Variants in SLF1 observed in about 807,000 individuals in gnomAD.
SLF1 encodes SMC5-SMC6 complex localization factor protein 1.
SLF1 carries 105 observed loss-of-function variants against 123.0 expected under a neutral mutation model. The ratio of observed to expected loss-of-function variants is 0.85; its 90% CI spans 0.73 to 1.00. The LOEUF is 1.00. Ranked by LOEUF, SLF1 falls within the 50% of genes least tolerant of loss-of-function variation. The pLI is 0.00. For synonymous variants in SLF1, 434 were observed against 406.6 expected, an observed-to-expected ratio of 1.07 and a Z score of -0.81; for missense variants, 1,239 against 1,223.0, an observed-to-expected ratio of 1.01 and a Z score of -0.20.
At chr5:94,632,938 C>T (rs1745362709) in intron 4 of SLF1, among the ~76,000 whole-genome samples, 1 of 151,892 alleles carries the variant, frequency 6.6e-6, no homozygotes, top group Non-Finnish European at 1.5e-5. Context: ...ATCTGCCCGC[C>T]TCGGCCTCCT....
At chr5:94,682,579 A>G (rs1585223630) in intron 15 of SLF1, among the ~76,000 whole-genome samples, 1 of 152,226 alleles carries the variant, frequency 6.6e-6, no homozygotes, top group African/African-American at 2.4e-5. Flanking sequence ...ATTCACATCT[A>G]TCAAATTCAT....
At chr5:94,636,687 C>G (rs1745817542) in intron 4 of SLF1, among the ~76,000 whole-genome samples, 1 of 134,864 alleles carries the variant, frequency 7.4e-6, no homozygotes, top group South Asian at 2.5e-4. Flanking sequence ...AATTTTTAAT[C>G]TGTATGTTCT....
chr5:94,689,452 AT>A lies in SLF1; in HGVS notation c.2286-18del, dbSNP rs770989907. 1 of 1,599,140 alleles carries A rather than the reference AT, an allele frequency of 6.3e-7. No individual in the cohort carries two copies. Among genetic ancestry groups the A allele is most frequent in the Non-Finnish European group, 8.5e-7 (1 of 1,175,038 alleles). ...CCTTGCTGAAAAACAAGCTTTCATT[AT>A]TTCTTACTTTTCCTTTCAGAGACCT... On this transcript the variant is annotated intron_variant, in intron 17 of 20. Transcript: ENST00000265140.
rs551349014 is a variant in SLF1 at position 94,665,464 on chromosome 5, C to T, written c.1369-397C>T. On this transcript the variant is annotated intron_variant, in intron 11 of 20. Transcript: ENST00000265140. Reference sequence around the variant, plus strand: ...ATATTTGGCAAGAAACTTAGGCCAGCGTTAGGCCGGGCGTGGTGGCTCACA... The same window carrying T: ...ATATTTGGCAAGAAACTTAGGCCAGTGTTAGGCCGGGCGTGGTGGCTCACA... 5.9e-5 allele frequency among the ~76,000 whole-genome samples: 9 copies of T among 151,568 alleles called. No homozygotes were observed. The South Asian group carries it at 1.7e-3, about 28-fold the overall frequency.
chr5:94,689,755 T>A (rs2152498624), intron 18 of SLF1, 149 bp downstream of exon 18: 1 of 658,586 alleles, frequency 1.5e-6, no homozygotes, highest in Non-Finnish European at 2.5e-6. Flanking sequence ...CGTATTATTT[T>A]CTTGAACTGT....
chr5:94,694,744 G>A (rs1753399229), intron 20 of SLF1, 87 bp from the exon 21 acceptor site: 2 of 1,452,170 alleles, frequency 1.4e-6, no homozygotes, highest in South Asian at 1.5e-5. Flanking sequence ...GAAAGCACTG[G>A]ATGCTTTGGG....
intron 5 of SLF1, among the ~76,000 whole-genome samples, chr5:94,648,088 G>T (rs904138552): frequency 6.6e-6 from 1 of 152,088 alleles, no homozygotes; most frequent in African/African-American, 2.4e-5. Flanking sequence ...TAAGCCTATG[G>T]ATTTATCCTC....
chr5:94,651,035 A>G (rs970613707), intron 6 of SLF1, among the ~76,000 whole-genome samples: 1 of 152,222 alleles, frequency 6.6e-6, no homozygotes. Flanking sequence ...CCCATATATG[A>G]TAGTATCTTA....
intron 1 of SLF1, among the ~76,000 whole-genome samples, chr5:94,624,840 C>G (rs1325963792): frequency 6.6e-6 from 1 of 151,840 alleles, no homozygotes; most frequent in Non-Finnish European, 1.5e-5. Context: ...CCTTGAAACT[C>G]TAAAATACAT....
intron 13 of SLF1, 70 bp from the exon 14 acceptor site, chr5:94,670,773 G>A (rs1750347972): frequency 8.8e-7 from 1 of 1,131,078 alleles, no homozygotes; most frequent in Non-Finnish European, 1.2e-6. Flanking sequence ...TTTTTTGACA[G>A]GAGAGATGTC....
chr5:94,671,667 C>A (rs1021130750), intron 14 of SLF1, among the ~76,000 whole-genome samples: 1 of 134,430 alleles, frequency 7.4e-6, no homozygotes, highest in African/African-American at 2.8e-5. Flanking sequence ...TTTTTTTTTA[C>A]TTTTTCTCGT....
chr5:94,644,841 C>T (rs1172218342), intron 5 of SLF1, among the ~76,000 whole-genome samples: 1 of 152,192 alleles, frequency 6.6e-6, no homozygotes, highest in African/African-American at 2.4e-5. Context: ...TCCTTGTCAT[C>T]AGGCATCGTG....
chr5:94,656,892 G>T (rs1217597267), intron 9 of SLF1, among the ~76,000 whole-genome samples: 7 of 150,322 alleles, frequency 4.7e-5, no homozygotes, highest in Non-Finnish European at 8.9e-5. Context: ...CTTGCTAATG[G>T]CTTATTGATT....
At chr5:94,671,676 G>A (rs1186532794) in intron 14 of SLF1, among the ~76,000 whole-genome samples, 9 of 127,394 alleles carry the variant, frequency 7.1e-5, no homozygotes, top group South Asian at 4.9e-4. Context: ...ACTTTTTCTC[G>A]TATCTTCTTG....
chr5:94,691,736 ATTAT>A (rs1245652245), intron 19 of SLF1, 80 bp downstream of exon 19: 5 of 1,107,130 alleles, frequency 4.5e-6, no homozygotes, highest in South Asian at 1.8e-5. Flanking sequence ...ATTAAGAAAA[ATTAT>A]TTAAGTAAAT....
intron 4 of SLF1, among the ~76,000 whole-genome samples, chr5:94,631,872 T>G (rs540109182): frequency 6.6e-6 from 1 of 152,232 alleles, no homozygotes; most frequent in African/African-American, 2.4e-5. Context: ...CCTAGCACTT[T>G]GAGAGGCCAA....
intron 1 of SLF1, among the ~76,000 whole-genome samples, chr5:94,628,085 C>A (rs1744760349): frequency 6.6e-6 from 1 of 151,990 alleles, no homozygotes; most frequent in African/African-American, 2.4e-5. Context: ...CCTCGGCCTC[C>A]CAAAGAAAGT....
At position 94,691,523 on chromosome 5, in the gene SLF1, T is replaced by G. The variant is rs751971437; in HGVS notation, c.2420-41T>G. On this transcript the variant is annotated intron_variant, in intron 18 of 20. Transcript: ENST00000265140. Reference sequence around the variant, plus strand: ...CTTTGATTATTTTTTTTAGTTGATATCTTGTCTTCTCTGGAATAATCTATT... The same window carrying G: ...CTTTGATTATTTTTTTTAGTTGATAGCTTGTCTTCTCTGGAATAATCTATT... 18 of 1,520,238 alleles carry G rather than the reference T, an allele frequency of 1.2e-5. 1 individual carries two copies. The South Asian group carries it at 2.1e-4, about 18-fold the overall frequency. 94.2% of individuals were successfully genotyped at this position (1,520,238 alleles called of 1,614,324 possible). A position where few individuals can be genotyped will look rare whatever the true frequency, so the allele number is the denominator to read the frequency against.
chr5:94,695,897 C>G lies in SLF1; in HGVS notation c.*585C>G, dbSNP rs1585254825. The G allele has an allele frequency of 6.6e-6, 1 of 151,750 alleles. No individual in the cohort carries two copies. Among genetic ancestry groups the G allele is most frequent in the East Asian group, 1.9e-4 (1 of 5,158 alleles). 9.4% of individuals were successfully genotyped at this position (151,750 alleles called of 1,614,324 possible). A position where few individuals can be genotyped will look rare whatever the true frequency, so the allele number is the denominator to read the frequency against. Reference sequence around the variant, plus strand: ...TTAATATTCTTTTGGTTTTTAAATGCAGCAAATATGCAGAGTCTGACAGTT... The same window carrying G: ...TTAATATTCTTTTGGTTTTTAAATGGAGCAAATATGCAGAGTCTGACAGTT... On this transcript the variant is annotated 3_prime_UTR_variant, in exon 21 of 21. Coordinates refer to ENST00000265140, the MANE Select transcript of SLF1 (RefSeq NM_032290.4).
Sources: allele counts gnomAD v4.1 joint callset (sites outside exome capture counted in the v4.1 genomes callset), GRCh38; gene constraint gnomAD v4.1.1; transcripts MANE v1.5; gene names NCBI Gene and HGNC (gene_info 2026-07-23, HGNC 2026-07-21).